The following GSAP variants were observed in gnomAD, a reference collection of about 807,000 sequenced individuals.
GSAP encodes gamma-secretase-activating protein.
A neutral mutation model predicts 131.7 loss-of-function variants in GSAP; 118 were observed. That is an observed-to-expected ratio of 0.90 (90% CI 0.77 to 1.04). GSAP has a LOEUF of 1.04. GSAP is among the 50% of genes least tolerant of loss of function. GSAP has a pLI of 0.00. For missense variants in GSAP, 1,019 were observed against 1,013.2 expected, an observed-to-expected ratio of 1.01 and a Z score of -0.08; for synonymous variants, 381 against 363.4, an observed-to-expected ratio of 1.05 and a Z score of -0.55.
chr7:77,377,104 T>C (rs955632820), intron 9 of GSAP, among the ~76,000 whole-genome samples, 182 bp downstream of exon 9: 3 of 151,570 alleles, frequency 2.0e-5, no homozygotes, highest in Admixed American at 6.6e-5. Flanking sequence ...CTGTAATCCA[T>C]GTTTTAGGAG....
chr7:77,311,607 C>T (rs1451330234), intron 30 of GSAP, 158 bp from the exon 31 acceptor site: 3 of 595,014 alleles, frequency 5.0e-6, no homozygotes, highest in Non-Finnish European at 9.0e-6. Flanking sequence ...GCACCAAGAA[C>T]ATTTGCATCA....
At chr7:77,360,473 T>G (rs1584481546) in intron 14 of GSAP, among the ~76,000 whole-genome samples, 1 of 152,208 alleles carries the variant, frequency 6.6e-6, no homozygotes, top group African/African-American at 2.4e-5. Flanking sequence ...GATAACATGA[T>G]GTATTATTTC....
intron 19 of GSAP, among the ~76,000 whole-genome samples, chr7:77,344,180 C>G (rs750133321): frequency 1.4e-4 from 21 of 152,186 alleles, no homozygotes; most frequent in Non-Finnish European, 2.1e-4. Flanking sequence ...CACCTCTATA[C>G]AGTCCAATAA....
intron 19 of GSAP, among the ~76,000 whole-genome samples, chr7:77,334,579 TTAAAAAAAAA>T (rs1192511431): frequency 2.4e-5 from 2 of 82,386 alleles, no homozygotes; most frequent in Non-Finnish European, 4.7e-5. Context: ...AACTTAAAAT[TTAAAAAAAAA>T]AAAAAAAAAA....
intron 1 of GSAP, among the ~76,000 whole-genome samples, chr7:77,409,109 T>C (rs1193955923): frequency 1.3e-5 from 2 of 152,208 alleles, no homozygotes; most frequent in Non-Finnish European, 2.9e-5. Flanking sequence ...TTGACATGTA[T>C]ATGGAGCTGT....
intron 6 of GSAP, among the ~76,000 whole-genome samples, chr7:77,383,248 C>A (rs1798047171): frequency 6.6e-6 from 1 of 151,966 alleles, no homozygotes; most frequent in Non-Finnish European, 1.5e-5. Flanking sequence ...ATGGTACTTC[C>A]TATTTGGAAT....
intron 11 of GSAP, among the ~76,000 whole-genome samples, chr7:77,374,436 C>T (rs1185537462): frequency 6.6e-6 from 1 of 152,056 alleles, no homozygotes; most frequent in Non-Finnish European, 1.5e-5. Flanking sequence ...TCAAAGTAAG[C>T]ACAGCTAAAT....
intron 19 of GSAP, among the ~76,000 whole-genome samples, chr7:77,332,704 G>C (rs1162651969): frequency 6.6e-6 from 1 of 152,158 alleles, no homozygotes; most frequent in Non-Finnish European, 1.5e-5. Flanking sequence ...AAGAAATACT[G>C]TTAGCCAAAC....
Position 77,334,402 on chromosome 7 carries a change from A to C in GSAP, c.1546-4035T>G, listed in dbSNP as rs557998012. On this transcript the variant is annotated intron_variant, in intron 19 of 30. Coordinates refer to ENST00000257626, the MANE Select transcript of GSAP (RefSeq NM_017439.4). ...AATACATGGACACAGGGAGGGGAAC[A>C]ACACACACTGGGGCCTGTTGGGGGG... Among the ~76,000 whole-genome samples the C allele has an allele frequency of 4.6e-4, 70 of 152,026 alleles. 1 individual carries two copies. The highest frequency in any genetic ancestry group is 1.6e-3 in the African/African-American group (66 of 41,474).
chr7:77,313,290 G>C (rs1176657463), intron 28 of GSAP, among the ~76,000 whole-genome samples, 198 bp downstream of exon 28: 3 of 150,050 alleles, frequency 2.0e-5, no homozygotes, highest in Non-Finnish European at 3.0e-5. Flanking sequence ...TGCAGAGCCA[G>C]AGAGCAAGTG....
chr7:77,373,995 T>C, intron 12 of GSAP, 75 bp downstream of exon 12: 1 of 807,936 alleles, frequency 1.2e-6, no homozygotes, highest in Non-Finnish European at 2.2e-6. Flanking sequence ...AGACTCCATA[T>C]AGCTAAACAA....
At position 77,353,012 on chromosome 7, in the gene GSAP, T is replaced by A; in HGVS notation, c.1423A>T (p.Ser475Cys). ...QEFIIASSYW[S>C]VYSETSNMDK... ...ATGTTACTTGTCTCTGAATATACAC[T>A]CCAGTATGAAGAAGCTGAGTAGATT... Residue 475 changes from serine (S) to cysteine (C), a missense_variant, in exon 18 of 31, where the codon AGT (serine) becomes TGT (cysteine). Transcript: ENST00000257626. 6.3e-7 allele frequency: 1 copy of A among 1,598,550 alleles called. No individual in the cohort carries two copies. The highest frequency in any genetic ancestry group is 8.6e-7 in the Non-Finnish European group (1 of 1,166,206).
At chr7:77,322,803 C>T (rs533760053) in intron 24 of GSAP, among the ~76,000 whole-genome samples, 30 of 151,730 alleles carry the variant, frequency 2.0e-4, no homozygotes, top group East Asian at 1.5e-3. Context: ...AAATATATTA[C>T]GTAGAAACAA....
Position 77,362,515 on chromosome 7 carries a change from G to A in GSAP, c.949+68C>T, listed in dbSNP as rs1584492193. Reference sequence around the variant, plus strand: ...AAAATTACTAATAACACTGTTAAGAGCTATCTAATTTGCTACTATTTGGAA... The same window carrying A: ...AAAATTACTAATAACACTGTTAAGAACTATCTAATTTGCTACTATTTGGAA... On this transcript the variant is annotated intron_variant, in intron 13 of 30. Coordinates refer to ENST00000257626, the MANE Select transcript of GSAP (RefSeq NM_017439.4). The A allele has an allele frequency of 8.4e-6, 7 of 829,004 alleles. No homozygotes were observed. In the East Asian group the frequency reaches 1.0e-4, roughly 12 times the overall value. 51.4% of individuals were successfully genotyped at this position (829,004 alleles called of 1,614,324 possible).
chr7:77,396,452 C>A (rs1040027090), intron 5 of GSAP, among the ~76,000 whole-genome samples: 4 of 152,074 alleles, frequency 2.6e-5, no homozygotes, highest in African/African-American at 9.7e-5. Context: ...AATGCCTGAC[C>A]CCCAGCAGGC....
intron 19 of GSAP, among the ~76,000 whole-genome samples, chr7:77,346,019 G>A (rs748608167): frequency 6.6e-6 from 1 of 151,950 alleles, no homozygotes; most frequent in Non-Finnish European, 1.5e-5. Context: ...GTATAAAAAT[G>A]TTCACTTTGG....
Position 77,404,576 on chromosome 7 carries a change from G to A in GSAP, c.226C>T (p.Gln76Ter). ...ATTTTTACCTCATTTTGTCTGGTTT[G>A]ACAATCATATAATCCAAAGACGACA... ...GNVVFGLYDC[Q>*]TRQNELLYTF... The change falls in exon 3 of 31, where the codon CAA (glutamine) becomes TAA (stop). Residue 76 changes from glutamine (Q) to a stop codon, truncating the protein, a stop_gained. Coordinates refer to ENST00000257626, the MANE Select transcript of GSAP (RefSeq NM_017439.4). LOFTEE classifies it high-confidence loss of function. 1 of 1,558,978 alleles carries A rather than the reference G, an allele frequency of 6.4e-7. No individual in the cohort carries two copies. The highest frequency in any genetic ancestry group is 8.8e-7 in the Non-Finnish European group (1 of 1,131,928).
In GSAP at chr7:77,345,741, C is replaced by G. The variant is rs1219042902; in HGVS notation, c.1545+3610G>C. ...TAACTGTAATTTTTGACTACCCACC[C>G]AAATCCTATAAAACGGCCCCACCCC... On this transcript the variant is annotated intron_variant, in intron 19 of 30. Coordinates refer to ENST00000257626, the MANE Select transcript of GSAP (RefSeq NM_017439.4). Among the ~76,000 whole-genome samples the G allele has an allele frequency of 2.0e-5, 3 of 152,248 alleles. No individual in the cohort carries two copies. The East Asian group carries it at 5.8e-4, about 29-fold the overall frequency.
At chr7:77,359,200 C>CA (rs545499994) in intron 14 of GSAP, among the ~76,000 whole-genome samples, 19,009 of 141,648 alleles carry the variant, frequency 0.13, 1,506 homozygotes, top group South Asian at 0.24. Flanking sequence ...GATTCCATCT[C>CA]AAAAAAAAAA....
Sources: gnomAD v4.1 joint callset for allele counts (sites outside exome capture counted in the v4.1 genomes callset) on GRCh38, gnomAD v4.1.1 for gene constraint, MANE v1.5 for transcripts, NCBI Gene and HGNC (gene_info 2026-07-23, HGNC 2026-07-21) for gene names.